The following LRRTM4 variants were observed in gnomAD, a reference collection of about 807,000 sequenced individuals.
LRRTM4 encodes leucine rich repeat transmembrane neuronal 4.
A neutral mutation model predicts 47.6 loss-of-function variants in LRRTM4; 25 were observed. The observed-to-expected ratio is 0.53, with a 90% CI of 0.38 to 0.73. The LOEUF is 0.73. LRRTM4 is among the 30% of genes least tolerant of loss of function. The probability of loss-of-function intolerance (pLI) is 0.00; values close to 1 mark genes in which losing one functional copy is unlikely to be tolerated. For synonymous variants in LRRTM4, 311 were observed against 269.5 expected (o/e 1.15, Z -1.51); for missense variants, 638 against 713.4 (o/e 0.89, Z 1.20).
intron 3 of LRRTM4, among the ~76,000 whole-genome samples, chr2:77,115,314 AGGG>A: frequency 6.6e-6 from 1 of 152,104 alleles, no homozygotes; most frequent in Non-Finnish European, 1.5e-5. Flanking sequence ...GTTCTTTTTC[AGGG>A]TGCACTGGTT....
intron 3 of LRRTM4, among the ~76,000 whole-genome samples, chr2:76,997,881 C>T (rs1677258265): frequency 1.3e-5 from 2 of 151,880 alleles, no homozygotes; most frequent in African/African-American, 4.8e-5. Context: ...CTCAAAGAAG[C>T]ATGAACCCTA....
intron 3 of LRRTM4, among the ~76,000 whole-genome samples, chr2:76,936,954 CAAAAAAA>C (rs56140303): frequency 2.6e-4 from 6 of 22,692 alleles, no homozygotes; most frequent in South Asian, 3.0e-3. Flanking sequence ...GACTCCATCT[CAAAAAAA>C]AAAAAAAAAA....
At chr2:76,977,140 C>A (rs546827870) in intron 3 of LRRTM4, among the ~76,000 whole-genome samples, 16 of 151,360 alleles carry the variant, frequency 1.1e-4, no homozygotes, top group African/African-American at 3.9e-4. Flanking sequence ...CTTACTTCTG[C>A]TTGAATATTA....
chr2:77,084,118 T>C (rs1197173470), intron 3 of LRRTM4, among the ~76,000 whole-genome samples: 2 of 152,002 alleles, frequency 1.3e-5, no homozygotes, highest in African/African-American at 2.4e-5. Context: ...GACACATAAT[T>C]TGTTTAAAAA....
At chr2:76,922,218 T>G (rs1674453980) in intron 3 of LRRTM4, among the ~76,000 whole-genome samples, 1 of 152,092 alleles carries the variant, frequency 6.6e-6, no homozygotes, top group African/African-American at 2.4e-5. Flanking sequence ...AAGAACTACC[T>G]GAGACTGGGT....
At position 77,246,744 on chromosome 2, in the gene LRRTM4, G is replaced by C. The variant is rs558171250; in HGVS notation, c.1551+271574C>G. On this transcript the variant is annotated intron_variant, in intron 3 of 3. Transcript: ENST00000409884. The stretch of plus-strand genomic sequence containing the variant: ...CAATGTATATATGGATATATATATG[G>C]ATGTGTGTACATATGTATAGTTATG... 5.3e-4 allele frequency among the ~76,000 whole-genome samples: 80 copies of C among 152,006 alleles called. 1 individual carries two copies. The South Asian group carries it at 0.013, about 26-fold the overall frequency.
intron 3 of LRRTM4, among the ~76,000 whole-genome samples, chr2:76,837,502 C>T (rs62173090): frequency 6.6e-6 from 1 of 151,772 alleles, no homozygotes; most frequent in Non-Finnish European, 1.5e-5. Flanking sequence ...TTCCTGCTTT[C>T]TCTTGTGGGC....
chr2:77,402,990 A>G (rs1334893230), intron 3 of LRRTM4, among the ~76,000 whole-genome samples: 1 of 151,960 alleles, frequency 6.6e-6, no homozygotes, highest in Non-Finnish European at 1.5e-5. Context: ...CACTATCTTT[A>G]TTGTGATTAA....
chr2:76,917,640 A>C (rs1306678918), intron 3 of LRRTM4, among the ~76,000 whole-genome samples: 1 of 152,316 alleles, frequency 6.6e-6, no homozygotes, highest in East Asian at 1.9e-4. Context: ...CATACTGCAC[A>C]CATGAAGGAG....
chr2:77,243,816 T>A (rs1436113787), intron 3 of LRRTM4, among the ~76,000 whole-genome samples: 3 of 147,236 alleles, frequency 2.0e-5, no homozygotes, highest in South Asian at 2.2e-4. Context: ...CATGTGCACA[T>A]TGTGCAGGTT....
intron 3 of LRRTM4, among the ~76,000 whole-genome samples, chr2:76,768,234 G>T (rs10165411): frequency 3.9e-5 from 6 of 151,962 alleles, no homozygotes; most frequent in African/African-American, 2.4e-5. Flanking sequence ...TGACAATAGA[G>T]GAAAAGTATA....
intron 3 of LRRTM4, among the ~76,000 whole-genome samples, chr2:76,847,758 G>T (rs878996448): frequency 6.6e-6 from 1 of 151,870 alleles, no homozygotes; most frequent in African/African-American, 2.4e-5. Flanking sequence ...AGAAATTTTT[G>T]ATTATGTGTA....
intron 3 of LRRTM4, among the ~76,000 whole-genome samples, chr2:77,371,008 C>A (rs1383351040): frequency 6.6e-6 from 1 of 151,630 alleles, no homozygotes; most frequent in East Asian, 1.9e-4. Flanking sequence ...AGGACCACAT[C>A]AAGCAGTAGA....
chr2:77,009,783 T>C (rs1406927599), intron 3 of LRRTM4: 1 of 152,126 alleles, frequency 6.6e-6, no homozygotes, highest in Non-Finnish European at 1.5e-5. Context: ...AATAAATTCA[T>C]GCCTCTTATT....
intron 3 of LRRTM4, among the ~76,000 whole-genome samples, chr2:76,875,459 A>G (rs1334873315): frequency 6.6e-6 from 1 of 152,146 alleles, no homozygotes; most frequent in Non-Finnish European, 1.5e-5. Context: ...TTTTACATAT[A>G]GCTCATATGT....
chr2:76,873,504 G>GTATATATATATA (rs1371189658), intron 3 of LRRTM4, among the ~76,000 whole-genome samples: 224 of 73,174 alleles, frequency 3.1e-3, no homozygotes, highest in African/African-American at 8.9e-3. Context: ...ATATATATGT[G>GTATATATATATA]TGTATATATA....
intron 3 of LRRTM4, among the ~76,000 whole-genome samples, chr2:77,033,200 G>A (rs1283449850): frequency 2.0e-5 from 3 of 151,852 alleles, no homozygotes; most frequent in African/African-American, 7.3e-5. Context: ...AATCTATTCA[G>A]TATTTAAAAC....
intron 3 of LRRTM4, among the ~76,000 whole-genome samples, chr2:76,780,453 C>T (rs1468470002): frequency 1.3e-5 from 2 of 152,098 alleles, no homozygotes; most frequent in Admixed American, 6.5e-5. Context: ...GGAGGCTTTG[C>T]TCATTTCTTT....
At chr2:77,283,256 C>T (rs369491600) in intron 3 of LRRTM4, among the ~76,000 whole-genome samples, 1 of 151,960 alleles carries the variant, frequency 6.6e-6, no homozygotes, top group African/African-American at 2.4e-5. Flanking sequence ...CAGAGAAATG[C>T]AAACCAAAAC....
Sources: gnomAD v4.1 joint callset for allele counts (sites outside exome capture counted in the v4.1 genomes callset) on GRCh38, gnomAD v4.1.1 for gene constraint, MANE v1.5 for transcripts, NCBI Gene and HGNC (gene_info 2026-07-23, HGNC 2026-07-21) for gene names.